The following LMBR1 variants were observed in gnomAD, a reference collection of about 807,000 sequenced individuals.
LMBR1 encodes limb development membrane protein 1.
A neutral mutation model predicts 73.9 loss-of-function variants in LMBR1; 52 were observed. That is an observed-to-expected ratio of 0.70 (90% CI 0.56 to 0.89). The LOEUF is 0.89. Among genes scored for constraint, LMBR1 ranks in the 40% least tolerant of loss-of-function variants. The probability of loss-of-function intolerance (pLI) is 0.00; values close to 1 mark genes in which losing one functional copy is unlikely to be tolerated. For missense variants in LMBR1, 539 were observed against 579.8 expected, an observed-to-expected ratio of 0.93 and a Z score of 0.72; for synonymous variants, 215 against 209.4, an observed-to-expected ratio of 1.03 and a Z score of -0.23.
Position 156,684,018 on chromosome 7 carries a change from G to T in LMBR1, c.*60C>A. On this transcript the variant is annotated 3_prime_UTR_variant, in exon 17 of 17. Transcript: ENST00000353442. ...ATGGAAATGCTTCTACATGGGACAG[G>T]AATGTCGTGAATCTGGAGTTCTCGG... The T allele has an allele frequency of 7.5e-7, 1 of 1,337,264 alleles. No homozygotes were observed. Among genetic ancestry groups the T allele is most frequent in the Non-Finnish European group, 1.1e-6 (1 of 930,874 alleles). 82.8% of individuals were successfully genotyped at this position (1,337,264 alleles called of 1,614,324 possible).
chr7:156,882,064 G>C (rs376821341), intron 1 of LMBR1, among the ~76,000 whole-genome samples: 60 of 152,280 alleles, frequency 3.9e-4, no homozygotes, highest in African/African-American at 1.4e-3. Flanking sequence ...CAAAGATGTG[G>C]AAACAACCTA....
intron 1 of LMBR1, among the ~76,000 whole-genome samples, chr7:156,880,958 T>C (rs1800996353): frequency 6.6e-6 from 1 of 152,134 alleles, no homozygotes; most frequent in African/African-American, 2.4e-5. Context: ...CAACCCCCAG[T>C]GGCATTTTTT....
chr7:156,858,292 AG>A (rs1238250989), intron 1 of LMBR1, among the ~76,000 whole-genome samples: 1 of 152,160 alleles, frequency 6.6e-6, no homozygotes, highest in African/African-American at 2.4e-5. Context: ...AAAAAATTAC[AG>A]GAATATTATG....
rs562332356 is a variant in LMBR1, at chr7:156,864,945, G to A, written c.66+27983C>T. Reference sequence around the variant, plus strand: ...TAGGAAGCAGAGGTTGCAGTGAGCCGAGGTCGCGCCATTGCACTTCAGCCT... The same window carrying A: ...TAGGAAGCAGAGGTTGCAGTGAGCCAAGGTCGCGCCATTGCACTTCAGCCT... On this transcript the variant is annotated intron_variant, in intron 1 of 16. Coordinates refer to ENST00000353442, the MANE Select transcript of LMBR1 (RefSeq NM_022458.4). Among the ~76,000 whole-genome samples, 133 of 149,816 alleles carry A rather than the reference G, an allele frequency of 8.9e-4. 1 individual carries two copies. The highest frequency in any genetic ancestry group is 3.1e-3 in the African/African-American group (125 of 40,634).
chr7:156,769,752 C>G (rs1189575741), intron 5 of LMBR1, among the ~76,000 whole-genome samples: 1 of 152,150 alleles, frequency 6.6e-6, no homozygotes, highest in Admixed American at 6.5e-5. Context: ...GTTGCATATG[C>G]GACAGATCTG....
chr7:156,858,722 T>A (rs1797318403), intron 1 of LMBR1, among the ~76,000 whole-genome samples: 1 of 152,050 alleles, frequency 6.6e-6, no homozygotes, highest in Non-Finnish European at 1.5e-5. Flanking sequence ...CACAACCAAG[T>A]GGGAATTATC....
chr7:156,877,968 T>C (rs1045561929), intron 1 of LMBR1, among the ~76,000 whole-genome samples: 19 of 150,876 alleles, frequency 1.3e-4, no homozygotes, highest in Non-Finnish European at 1.5e-4. Flanking sequence ...ATCATCTAAA[T>C]AGACACAGAA....
chr7:156,725,693 A>G, intron 13 of LMBR1, 71 bp downstream of exon 13: 8 of 1,415,602 alleles, frequency 5.7e-6, no homozygotes, highest in Middle Eastern at 1.8e-4. Context: ...GTCTTAGTAA[A>G]TAACTACTGC....
chr7:156,717,221 A>G (rs1418031521), intron 15 of LMBR1, among the ~76,000 whole-genome samples: 1 of 152,232 alleles, frequency 6.6e-6, no homozygotes, highest in East Asian at 1.9e-4. Flanking sequence ...AGAAGGTGGA[A>G]GCATTTACCA....
chr7:156,860,007 T>C (rs1797507784), intron 1 of LMBR1, among the ~76,000 whole-genome samples: 1 of 152,182 alleles, frequency 6.6e-6, no homozygotes, highest in Non-Finnish European at 1.5e-5. Flanking sequence ...CAACTGATCT[T>C]TGTCAAAGAA....
intron 5 of LMBR1, among the ~76,000 whole-genome samples, chr7:156,772,650 C>T (rs917990035): frequency 6.6e-6 from 1 of 152,020 alleles, no homozygotes; most frequent in Non-Finnish European, 1.5e-5. Context: ...GCATTTGAGA[C>T]CAGCCTGACC....
chr7:156,683,986 C>A lies in LMBR1; in HGVS notation c.*92G>T. On this transcript the variant is annotated 3_prime_UTR_variant, in exon 17 of 17. Coordinates refer to ENST00000353442, the MANE Select transcript of LMBR1 (RefSeq NM_022458.4). The stretch of plus-strand genomic sequence containing the variant: ...AGGTCTAGGTTCTGAAGAGGGGCCA[C>A]GGTTGAATGGAAATGCTTCTACATG... 1 of 1,038,522 alleles carries A rather than the reference C, an allele frequency of 9.6e-7. No individual in the cohort carries two copies. Among genetic ancestry groups the A allele is most frequent in the Non-Finnish European group, 1.5e-6 (1 of 677,226 alleles). 64.3% of individuals were successfully genotyped at this position (1,038,522 alleles called of 1,614,324 possible). A position where few individuals can be genotyped will look rare whatever the true frequency, so the allele number is the denominator to read the frequency against.
intron 4 of LMBR1, among the ~76,000 whole-genome samples, chr7:156,809,677 G>A (rs1832754114): frequency 6.6e-6 from 1 of 152,076 alleles, no homozygotes; most frequent in Non-Finnish European, 1.5e-5. Context: ...AGATCCAGAG[G>A]GCTGACTACA....
downstream of LMBR1, chr7:156,675,768 C>T (rs371216591): frequency 2.2e-5 from 36 of 1,613,860 alleles, no homozygotes; most frequent in Non-Finnish European, 3.0e-5. Context: ...AGAAATCGAT[C>T]AGTGCTTGGC....
At chr7:156,702,864 T>A (rs1373786968) in intron 15 of LMBR1, among the ~76,000 whole-genome samples, 1 of 152,238 alleles carries the variant, frequency 6.6e-6, no homozygotes, top group Non-Finnish European at 1.5e-5. Context: ...AACCAAGATG[T>A]CTTTCAGTAG....
chr7:156,676,397 C>A (rs1312464915), downstream of LMBR1: 1 of 1,614,134 alleles, frequency 6.2e-7, no homozygotes, highest in East Asian at 2.2e-5. Flanking sequence ...CGCGTGGCCT[C>A]TTCCCGTCCT....
chr7:156,673,593 T>C (rs1803088235), downstream of LMBR1, among the ~76,000 whole-genome samples: 1 of 152,124 alleles, frequency 6.6e-6, no homozygotes, highest in Admixed American at 6.5e-5. Context: ...GTACGGCTAA[T>C]CCCAAAACAC....
chr7:156,746,634 A>G (rs1819900008), intron 9 of LMBR1, among the ~76,000 whole-genome samples: 1 of 152,216 alleles, frequency 6.6e-6, no homozygotes, highest in Admixed American at 6.5e-5. Context: ...CAAATAAATC[A>G]TACTTTTATT....
intron 5 of LMBR1, among the ~76,000 whole-genome samples, chr7:156,789,268 T>A (rs1828758717): frequency 6.6e-6 from 1 of 152,300 alleles, no homozygotes; most frequent in South Asian, 2.1e-4. Context: ...TATTTTTTAA[T>A]GTTTCGGTTG....
Sources: allele counts gnomAD v4.1 joint callset (sites outside exome capture counted in the v4.1 genomes callset), GRCh38; gene constraint gnomAD v4.1.1; transcripts MANE v1.5; gene names NCBI Gene and HGNC (gene_info 2026-07-23, HGNC 2026-07-21).